Variants in PLCZ1 observed in about 807,000 individuals in gnomAD.
PLCZ1 encodes 1-phosphatidylinositol 4,5-bisphosphate phosphodiesterase zeta-1.
Under a neutral mutation model 76.8 loss-of-function variants are expected in PLCZ1, and 64 were observed. That is an observed-to-expected ratio of 0.83 (90% CI 0.68 to 1.03). The LOEUF (loss-of-function observed/expected upper bound fraction) is 1.03. Ranked by LOEUF, PLCZ1 falls within the 50% of genes least tolerant of loss-of-function variation. PLCZ1 has a pLI of 0.00. For missense variants in PLCZ1, 751 were observed against 713.7 expected (o/e 1.05, Z -0.60); for synonymous variants, 248 against 230.8 (o/e 1.07, Z -0.68).
chr12:18,662,251 A>G, the PLCZ1 span, among the ~76,000 whole-genome samples: 1 of 152,098 alleles, frequency 6.6e-6, no homozygotes, highest in Non-Finnish European at 1.5e-5. Flanking sequence ...TCTGTACATC[A>G]AACCCCTGCA....
At chr12:18,723,221 T>C in intron 4 of PLCZ1, 90 bp downstream of exon 4, 2 of 1,181,068 alleles carry the variant, frequency 1.7e-6, no homozygotes, top group South Asian at 2.8e-5. Flanking sequence ...CCACAATTCA[T>C]AAAAATACTT....
intron 13 of PLCZ1, chr12:18,685,686 A>G (rs1269636721): frequency 1.9e-6 from 1 of 513,748 alleles, no homozygotes; most frequent in Non-Finnish European, 3.9e-6. Context: ...TTCATGGGGT[A>G]CAGAGGCAGG....
At chr12:18,702,480 G>A (rs936246880) in intron 7 of PLCZ1, among the ~76,000 whole-genome samples, 4 of 152,040 alleles carry the variant, frequency 2.6e-5, no homozygotes, top group African/African-American at 9.7e-5. Flanking sequence ...GCTGAAATCT[G>A]GGTTATAAAG....
chr12:18,729,008 T>C (rs1958903593), intron 3 of PLCZ1, among the ~76,000 whole-genome samples: 1 of 152,042 alleles, frequency 6.6e-6, no homozygotes, highest in East Asian at 1.9e-4. Context: ...TTTCTCTCTC[T>C]CTCTCTGAAT....
chr12:18,700,850 T>C (rs1000099842), intron 9 of PLCZ1, among the ~76,000 whole-genome samples: 1 of 152,184 alleles, frequency 6.6e-6, no homozygotes, highest in Non-Finnish European at 1.5e-5. Context: ...CATATAACAT[T>C]ATGTATTATT....
intron 13 of PLCZ1, among the ~76,000 whole-genome samples, chr12:18,685,975 C>A (rs1201852233): frequency 6.6e-6 from 1 of 151,786 alleles, no homozygotes; most frequent in African/African-American, 2.4e-5. Context: ...AAATAGTTAT[C>A]CTAGACATGA....
chr12:18,664,746 T>C, the PLCZ1 span, among the ~76,000 whole-genome samples: 2 of 151,558 alleles, frequency 1.3e-5, no homozygotes, highest in African/African-American at 4.8e-5. Flanking sequence ...AGCAAAGACT[T>C]GGAACCAATC....
intron 5 of PLCZ1, among the ~76,000 whole-genome samples, chr12:18,714,213 T>C (rs1272585159): frequency 6.6e-6 from 1 of 152,200 alleles, no homozygotes; most frequent in Non-Finnish European, 1.5e-5. Context: ...TTAAGATAAT[T>C]CTTTAAATTA....
At chr12:18,686,557 A>G (rs1953183260) in intron 13 of PLCZ1, among the ~76,000 whole-genome samples, 1 of 152,004 alleles carries the variant, frequency 6.6e-6, no homozygotes, top group Non-Finnish European at 1.5e-5. Flanking sequence ...TTCATATTTT[A>G]AGACTTATAT....
chr12:18,708,368 C>T (rs1001817088), intron 6 of PLCZ1, among the ~76,000 whole-genome samples: 8 of 152,108 alleles, frequency 5.3e-5, no homozygotes, highest in Non-Finnish European at 1.2e-4. Flanking sequence ...AAGACTGAAT[C>T]ATATTCCATT....
chr12:18,654,267 G>A, the PLCZ1 span, among the ~76,000 whole-genome samples: 13 of 144,326 alleles, frequency 9.0e-5, no homozygotes, highest in Non-Finnish European at 1.3e-4. Flanking sequence ...TTTAGTTATT[G>A]CCATTTCCAA....
At chr12:18,668,316 G>T in the PLCZ1 span, among the ~76,000 whole-genome samples, 1 of 152,182 alleles carries the variant, frequency 6.6e-6, no homozygotes, top group South Asian at 2.1e-4. Context: ...TCTTTGGAAA[G>T]TCAGAGAAAC....
intron 10 of PLCZ1, among the ~76,000 whole-genome samples, chr12:18,699,162 TG>T (rs1457328115): frequency 6.6e-6 from 1 of 152,170 alleles, no homozygotes; most frequent in Admixed American, 6.5e-5. Context: ...AGGTGTGCAG[TG>T]GGGCATGCAC....
At chr12:18,694,873 T>C (rs1490134292) in intron 12 of PLCZ1, 37 bp downstream of exon 12, 1 of 1,480,892 alleles carries the variant, frequency 6.8e-7, no homozygotes, top group Non-Finnish European at 9.3e-7. Flanking sequence ...GTTTATATAA[T>C]AACCAAAAAA....
At chr12:18,656,589 A>G in the PLCZ1 span, among the ~76,000 whole-genome samples, 1 of 151,868 alleles carries the variant, frequency 6.6e-6, no homozygotes, top group East Asian at 1.9e-4. Flanking sequence ...AAAATAAAAT[A>G]GCCAGGCATG....
intron 7 of PLCZ1, 86 bp downstream of exon 7, chr12:18,705,080 C>T: frequency 6.6e-7 from 1 of 1,514,858 alleles, no homozygotes; most frequent in Non-Finnish European, 9.2e-7. Flanking sequence ...TCATTGGTCT[C>T]TAGCCCAGTT....
chr12:18,646,005 T>A, the PLCZ1 span, among the ~76,000 whole-genome samples: 1 of 152,052 alleles, frequency 6.6e-6, no homozygotes, highest in Non-Finnish European at 1.5e-5. Context: ...CAGCTCAAAA[T>A]ACCCACTTAG....
Position 18,723,462 on chromosome 12 carries a change from T to G in PLCZ1, c.216A>C (p.Glu72Asp). 2 of 1,613,090 alleles carry G rather than the reference T, an allele frequency of 1.2e-6. No individual in the cohort carries two copies. Among genetic ancestry groups the G allele is most frequent in the East Asian group, 2.2e-5 (1 of 44,776 alleles). The change falls in exon 4 of 15, where the codon GAA becomes GAC. Residue 72 changes from glutamate to aspartate, a missense_variant. By Grantham distance (45) the Glu-to-Asp change is conservative. Transcript: ENST00000266505. ...AIYRIITHREEIIEIFNTYSE... is the reference protein window; with the variant it reads ...AIYRIITHREDIIEIFNTYSE... ...AATATGTGTTGAAAATCTCAATAAT[T>G]TCTTCTCTGTGCGTGATAATTCGAT...
intron 2 of PLCZ1, chr12:18,736,756 A>G (rs1959339836): frequency 9.3e-7 from 1 of 1,079,424 alleles, no homozygotes. Context: ...AATCTTAAGG[A>G]AAGTGGAAGC....
Sources: allele counts gnomAD v4.1 joint callset (sites outside exome capture counted in the v4.1 genomes callset), GRCh38; gene constraint gnomAD v4.1.1; transcripts MANE v1.5; gene names NCBI Gene and HGNC (gene_info 2026-07-23, HGNC 2026-07-21).